SNTG2: variants seen among roughly 807,000 people sequenced by gnomAD.
The protein encoded by SNTG2 is gamma-2-syntrophin.
A neutral mutation model predicts 70.9 loss-of-function variants in SNTG2; 74 were observed. The ratio of observed to expected loss-of-function variants is 1.04; its 90% CI spans 0.86 to 1.27. SNTG2 has a LOEUF of 1.27. Ranked by LOEUF, SNTG2 falls within the 50% of genes most tolerant of loss-of-function variation. The pLI is 0.00. For synonymous variants in SNTG2, 278 were observed against 273.8 expected (o/e 1.02, Z -0.15); for missense variants, 717 against 690.7 (o/e 1.04, Z -0.43).
intron 6 of SNTG2, among the ~76,000 whole-genome samples, chr2:1,149,676 T>C (rs1304919932): frequency 2.0e-3 from 4 of 1,970 alleles, no homozygotes; most frequent in Non-Finnish European, 0.014. Flanking sequence ...ATTAGCGTTT[T>C]TTTTTTTTTT....
chr2:1,009,337 C>G (rs1291719196), intron 1 of SNTG2, among the ~76,000 whole-genome samples: 1 of 102,714 alleles, frequency 9.7e-6, no homozygotes, highest in Non-Finnish European at 1.9e-5. Context: ...GTATGGCAGC[C>G]ACACCTGTGT....
chr2:1,167,326 T>G (rs1271802803), intron 7 of SNTG2, among the ~76,000 whole-genome samples: 75 of 66,962 alleles, frequency 1.1e-3, no homozygotes, highest in East Asian at 2.9e-3. Flanking sequence ...CTGAAGCCTA[T>G]AGGCCGCCCA....
At chr2:1,100,759 GT>G (rs60053550) in intron 4 of SNTG2, among the ~76,000 whole-genome samples, 1 of 151,648 alleles carries the variant, frequency 6.6e-6, no homozygotes, top group African/African-American at 2.4e-5. Context: ...TCATTAATGG[GT>G]TTTTTTTTAA....
At position 1,097,062 on chromosome 2, in the gene SNTG2, A is replaced by G. The variant is rs986571501; in HGVS notation, c.211-1134A>G. 6.6e-6 allele frequency among the ~76,000 whole-genome samples: 1 copy of G among 152,250 alleles called. No individual in the cohort carries two copies. The highest frequency in any genetic ancestry group is 1.5e-5 in the Non-Finnish European group (1 of 68,054). On this transcript the variant is annotated intron_variant, in intron 2 of 16. Coordinates refer to ENST00000308624, the MANE Select transcript of SNTG2 (RefSeq NM_018968.4). This position sits in a 1 kb window ranked among gnomAD's most constrained non-coding sequence, Gnocchi z 4.1. ...TACTATATGTCCAAAAAGGATCGAA[A>G]TGGTAAAATTTCCAATTAAAGTATT...
At chr2:1,002,703 A>C (rs111697944) in intron 1 of SNTG2, among the ~76,000 whole-genome samples, 6 of 151,366 alleles carry the variant, frequency 4.0e-5, no homozygotes, top group Admixed American at 2.0e-4. Context: ...AAAAAAAAAA[A>C]ACCTAAAAAT....
At chr2:1,129,071 C>T (rs1239259824) in intron 4 of SNTG2, among the ~76,000 whole-genome samples, 1 of 152,036 alleles carries the variant, frequency 6.6e-6, no homozygotes, top group Non-Finnish European at 1.5e-5. Context: ...CTCGAATAAA[C>T]GACATATACA....
At chr2:1,171,954 T>C (rs1484534127) in intron 7 of SNTG2, among the ~76,000 whole-genome samples, 2 of 152,204 alleles carry the variant, frequency 1.3e-5, no homozygotes, top group Non-Finnish European at 2.9e-5. Flanking sequence ...ATTATGACTT[T>C]GCATATGTGG....
intron 1 of SNTG2, among the ~76,000 whole-genome samples, chr2:1,030,034 A>G (rs937237469): frequency 1.5e-4 from 23 of 152,012 alleles, no homozygotes; most frequent in African/African-American, 5.6e-4. Flanking sequence ...TGCCTCCTTC[A>G]TCTCTTCTAT....
intron 12 of SNTG2, among the ~76,000 whole-genome samples, chr2:1,250,906 CT>C (rs1677715637): frequency 6.6e-6 from 1 of 152,212 alleles, no homozygotes; most frequent in African/African-American, 2.4e-5. Flanking sequence ...TCTATCGTCT[CT>C]TTCTCCTTCT....
intron 1 of SNTG2, among the ~76,000 whole-genome samples, chr2:1,031,334 T>A (rs1472768138): frequency 6.6e-6 from 1 of 151,270 alleles, no homozygotes; most frequent in African/African-American, 2.4e-5. Flanking sequence ...TCCCATTTCC[T>A]CCCCTCTCAG....
At chr2:1,127,789 T>C (rs1572510444) in intron 4 of SNTG2, among the ~76,000 whole-genome samples, 2 of 152,322 alleles carry the variant, frequency 1.3e-5, no homozygotes, top group East Asian at 3.9e-4. Context: ...ACACTATTGA[T>C]TTCTGTACGT....
At chr2:1,103,302 C>T in intron 4 of SNTG2, 3 of 230,176 alleles carry the variant, frequency 1.3e-5, no homozygotes, top group Non-Finnish European at 1.9e-5. Context: ...TATAATTTTT[C>T]TTGACATTAA....
At chr2:1,306,627 G>A (rs1356734031) in intron 14 of SNTG2, among the ~76,000 whole-genome samples, 1 of 152,040 alleles carries the variant, frequency 6.6e-6, no homozygotes, top group Non-Finnish European at 1.5e-5. Flanking sequence ...TGAGGACTGG[G>A]GACTGAGACC....
chr2:1,014,498 G>T lies in SNTG2; in HGVS notation c.72+63430G>T, dbSNP rs184912349. ...TAAGGACAGAGAGAAGGGTGGTCTG[G>T]AGAGGGATTTATATGGGCAGAAAGA... On this transcript the variant is annotated intron_variant, in intron 1 of 16. Transcript: ENST00000308624. Among the ~76,000 whole-genome samples, 35 of 78,750 alleles carry T rather than the reference G, an allele frequency of 4.4e-4. 1 individual carries two copies. The highest frequency in any genetic ancestry group is 6.1e-4 in the African/African-American group (14 of 22,928). 51.7% of individuals were successfully genotyped at this position (78,750 alleles called of 152,430 possible).
intron 6 of SNTG2, among the ~76,000 whole-genome samples, chr2:1,142,586 C>A (rs533506615): frequency 1.7e-4 from 26 of 152,294 alleles, no homozygotes; most frequent in Admixed American, 1.6e-3. Context: ...CCTTTGAATT[C>A]CTTCTGGGAC....
intron 1 of SNTG2, among the ~76,000 whole-genome samples, chr2:1,036,358 AT>A (rs1328379821): frequency 1.3e-5 from 2 of 151,890 alleles, no homozygotes; most frequent in African/African-American, 4.8e-5. Flanking sequence ...AAGGCATAGT[AT>A]TTTTTTCTCA....
At chr2:1,131,713 G>A (rs1471180285) in intron 4 of SNTG2, among the ~76,000 whole-genome samples, 1 of 151,278 alleles carries the variant, frequency 6.6e-6, no homozygotes, top group South Asian at 2.1e-4. Context: ...GTGCAGTGGT[G>A]TGATCTCAGC....
chr2:1,266,817 G>T (rs1411083265), intron 13 of SNTG2, among the ~76,000 whole-genome samples: 2 of 130,838 alleles, frequency 1.5e-5, no homozygotes, highest in African/African-American at 2.8e-5. Flanking sequence ...TTGGTGGTGT[G>T]ATCTTGGCTT....
intron 1 of SNTG2, among the ~76,000 whole-genome samples, chr2:965,914 C>A (rs760118190): frequency 9.9e-5 from 15 of 152,114 alleles, no homozygotes; most frequent in Non-Finnish European, 1.9e-4. Context: ...GACCCTGGAC[C>A]CACAGAGACC....
Sources: allele counts gnomAD v4.1 joint callset (sites outside exome capture counted in the v4.1 genomes callset), GRCh38; gene constraint gnomAD v4.1.1; non-coding constraint Gnocchi (gnomAD v3.1); transcripts MANE v1.5; gene names NCBI Gene and HGNC (gene_info 2026-07-23, HGNC 2026-07-21).